CR1: variants seen among roughly 807,000 people sequenced by gnomAD.
CR1 encodes complement C3b/C4b receptor 1 (Knops blood group).
Under a neutral mutation model 187.3 loss-of-function variants are expected in CR1, and 116 were observed. The observed-to-expected ratio is 0.62, with a 90% CI of 0.53 to 0.72. The LOEUF is 0.72. Among genes scored for constraint, CR1 ranks in the 30% least tolerant of loss-of-function variants. CR1 has a pLI of 0.00. For missense variants in CR1, 1,731 were observed against 2,110.7 expected (o/e 0.82, Z 3.52); for synonymous variants, 576 against 747.1 (o/e 0.77, Z 3.73).
Position 207,578,128 on chromosome 1 carries a change from G to T in CR1, c.4861G>T (p.Val1621Phe), listed in dbSNP as rs1222260909. The stretch of plus-strand genomic sequence containing the variant: ...GGAGTTTAGGTGTCAGCCTGGCTTT[G>T]TCATGAAAGGACCCCGCCGTGTGAA... ...VVEFRCQPGF[V>F]MKGPRRVKCQ... The change falls in exon 29 of 47, where the codon GTC becomes TTC. Residue 1621 changes from valine (V) to phenylalanine (F), a missense_variant. Val to Phe is a conservative substitution (Grantham distance 50). Transcript: ENST00000367049. 1.2e-6 allele frequency: 2 copies of T among 1,611,842 alleles called. No individual in the cohort carries two copies. Among genetic ancestry groups the T allele is most frequent in the South Asian group, 2.2e-5 (2 of 90,992 alleles).
intron 29 of CR1, 140 bp from the exon 30 acceptor site, chr1:207,580,100 A>G (rs1660887150): frequency 8.2e-7 from 1 of 1,215,410 alleles, no homozygotes; most frequent in Admixed American, 2.5e-5. Flanking sequence ...CATGCCCTGT[A>G]GATTTACAAG....
Position 207,582,013 on chromosome 1 carries a change from T to A in CR1, c.5302+10T>A. On this transcript the variant is annotated intron_variant, in intron 32 of 46. Coordinates refer to ENST00000367049, the MANE Select transcript of CR1 (RefSeq NM_000651.6). Reference sequence around the variant, plus strand: ...GTTCCTGTGTGTGAACGTGAGTAGATGGAATACTTGTTCAGTCTGGATCTT... The same window carrying A: ...GTTCCTGTGTGTGAACGTGAGTAGAAGGAATACTTGTTCAGTCTGGATCTT... The A allele has an allele frequency of 3.2e-6, 5 of 1,583,432 alleles. No homozygotes were observed. In the South Asian group the frequency reaches 5.5e-5, roughly 18 times the overall value.
At chr1:207,575,812 C>T (rs1323674535) in intron 28 of CR1, 132 bp downstream of exon 28, 2 of 1,413,450 alleles carry the variant, frequency 1.4e-6, no homozygotes, top group African/African-American at 2.8e-5. Context: ...TAGTCATATC[C>T]TTAAAATGGC....
At chr1:207,621,831 G>T (rs1662321909) in intron 43 of CR1, 142 bp from the exon 44 acceptor site, 2 of 514,628 alleles carry the variant, frequency 3.9e-6, no homozygotes, top group East Asian at 7.0e-5. Context: ...GTATGTGAAT[G>T]AAACCAATGG....
rs769266148 is a variant in CR1, at chr1:207,523,596, T to C, written c.488-15T>C. On this transcript the variant is annotated splice_polypyrimidine_tract_variant and intron_variant, in intron 4 of 46. Coordinates refer to ENST00000367049, the MANE Select transcript of CR1 (RefSeq NM_000651.6). Reference sequence around the variant, plus strand: ...TTAAACTGACTGTTATTTATCCTGCTCTTCCTTTTTCCAGGAATTCCTTGT... The same window carrying C: ...TTAAACTGACTGTTATTTATCCTGCCCTTCCTTTTTCCAGGAATTCCTTGT... 1 of 1,613,872 alleles carries C rather than the reference T, an allele frequency of 6.2e-7. No homozygotes were observed. The highest frequency in any genetic ancestry group is 8.5e-7 in the Non-Finnish European group (1 of 1,179,886).
At position 207,580,381 on chromosome 1, in the gene CR1, A is replaced by G; in HGVS notation, c.5078A>G (p.Gln1693Arg). ...GCTGCGTCTCTGCACTGCACACCCC[A>G]GGGAGACTGGAGCCCTGAAGCCCCG... ...RGAASLHCTPQGDWSPEAPRC... is the reference protein window; with the variant it reads ...RGAASLHCTPRGDWSPEAPRC... The change falls in exon 30 of 47, where the codon CAG (glutamine) becomes CGG (arginine). Residue 1693 changes from glutamine (Q) to arginine (R), a missense_variant. Transcript: ENST00000367049. 6.2e-7 allele frequency: 1 copy of G among 1,613,910 alleles called. No homozygotes were observed. The highest frequency in any genetic ancestry group is 8.5e-7 in the Non-Finnish European group (1 of 1,179,846).
At chr1:207,501,741 T>G (rs1659276207) in intron 1 of CR1, among the ~76,000 whole-genome samples, 1 of 152,236 alleles carries the variant, frequency 6.6e-6, no homozygotes, top group Non-Finnish European at 1.5e-5. Context: ...CAAGCTTTGC[T>G]GTGACATTTA....
intron 1 of CR1, among the ~76,000 whole-genome samples, chr1:207,499,899 A>G (rs1430402621): frequency 6.6e-6 from 1 of 152,250 alleles, no homozygotes; most frequent in Admixed American, 6.5e-5. Context: ...TGTCCTACAC[A>G]GAAATGCTGG....
chr1:207,575,172 AC>A (rs1205058169), intron 27 of CR1, among the ~76,000 whole-genome samples: 1 of 151,588 alleles, frequency 6.6e-6, no homozygotes, highest in Non-Finnish European at 1.5e-5. Context: ...TTTATAAAAA[AC>A]ATGTCTCAAG....
intron 27 of CR1, among the ~76,000 whole-genome samples, chr1:207,574,802 T>C (rs1408618560): frequency 6.6e-6 from 1 of 152,192 alleles, no homozygotes; most frequent in East Asian, 1.9e-4. Context: ...TACATGCACA[T>C]ATATAAAATG....
At chr1:207,628,899 A>G (rs1358277260) in intron 45 of CR1, among the ~76,000 whole-genome samples, 2 of 152,092 alleles carry the variant, frequency 1.3e-5, no homozygotes, top group Non-Finnish European at 2.9e-5. Flanking sequence ...AAATTAAGGT[A>G]TTTCTTTAAG....
intron 1 of CR1, among the ~76,000 whole-genome samples, chr1:207,497,931 T>C (rs1572979612): frequency 6.6e-6 from 1 of 152,328 alleles, no homozygotes; most frequent in Non-Finnish European, 1.5e-5. Flanking sequence ...GCACGGTCCT[T>C]TGGAATTTTA....
chr1:207,610,445 G>A (rs1661890971), intron 37 of CR1, among the ~76,000 whole-genome samples: 1 of 152,112 alleles, frequency 6.6e-6, no homozygotes, highest in Non-Finnish European at 1.5e-5. Flanking sequence ...TAAGACCTCT[G>A]CCTCAGTCTC....
chr1:207,626,817 C>T (rs1009869523), intron 45 of CR1, among the ~76,000 whole-genome samples: 10 of 152,146 alleles, frequency 6.6e-5, no homozygotes, highest in Non-Finnish European at 1.3e-4. Flanking sequence ...GCGGGTGGGT[C>T]ACCTGAGGTC....
chr1:207,607,375 G>T (rs374939672), intron 36 of CR1, 39 bp downstream of exon 36: 3 of 1,457,020 alleles, frequency 2.1e-6, no homozygotes, highest in South Asian at 1.1e-5. Flanking sequence ...TCCTCTGTGT[G>T]ATCCTGACTT....
intron 24 of CR1, 125 bp downstream of exon 24, chr1:207,566,048 A>G (rs1194068746): frequency 1.0e-5 from 13 of 1,297,992 alleles, no homozygotes; most frequent in African/African-American, 9.6e-5. Flanking sequence ...AAAATAGTTT[A>G]TTTTAATAAT....
chr1:207,567,229 C>A (rs1366454246), intron 24 of CR1, among the ~76,000 whole-genome samples: 2 of 147,366 alleles, frequency 1.4e-5, no homozygotes, highest in Non-Finnish European at 3.0e-5. Flanking sequence ...CAGACCTAGA[C>A]ATTTTCAAAA....
intron 36 of CR1, among the ~76,000 whole-genome samples, chr1:207,608,772 G>A (rs1345047398): frequency 6.6e-6 from 1 of 152,164 alleles, no homozygotes; most frequent in Non-Finnish European, 1.5e-5. Flanking sequence ...GTATATGTGT[G>A]TAGTCACTTA....
rs751401204 is a variant in CR1 at position 207,611,887 on chromosome 1, T to C, written c.6472+34T>C. ...ACTCTCTGGCTTCCAGATTGCTCTG[T>C]TTTCCCCTTCACATGGAGGACTTAC... is the stretch of plus-strand genomic sequence containing the variant. On this transcript the variant is annotated intron_variant, in intron 38 of 46. Transcript: ENST00000367049. 1.9e-6 allele frequency: 3 copies of C among 1,613,892 alleles called. No individual in the cohort carries two copies. In the South Asian group the frequency reaches 3.3e-5, roughly 18 times the overall value.
Sources: gnomAD v4.1 joint callset for allele counts (sites outside exome capture counted in the v4.1 genomes callset) on GRCh38, gnomAD v4.1.1 for gene constraint, MANE v1.5 for transcripts, NCBI Gene and HGNC (gene_info 2026-07-23, HGNC 2026-07-21) for gene names.